Variants in KRTAP5-10 observed in about 807,000 individuals in gnomAD.
The protein encoded by KRTAP5-10 is keratin associated protein 5-10.
KRTAP5-10 carries 1 observed loss-of-function variant against 1.6 expected under a neutral mutation model. The ratio of observed to expected loss-of-function variants is 0.64; its 90% CI spans 0.23 to 3.04. KRTAP5-10 has a LOEUF of 3.04. KRTAP5-10 is among the 30% of genes most tolerant of loss of function. The pLI, the probability that KRTAP5-10 is intolerant of heterozygous loss-of-function variation, is 0.21. For missense variants in KRTAP5-10, 219 were observed against 255.2 expected, an observed-to-expected ratio of 0.86 and a Z score of 0.97; for synonymous variants, 76 against 102.0, an observed-to-expected ratio of 0.75 and a Z score of 1.54.
chr11:71,566,213 C>G lies in KRTAP5-10; in HGVS notation c.*17C>G, dbSNP rs762825227. ...AAGATCTGAGGCTCTGAACCCAGAC[C>G]TTCAGGTTTCACCTGTTTGGTGAAA... On this transcript the variant is annotated 3_prime_UTR_variant, in exon 1 of 1. Transcript: ENST00000398531. 1.5e-5 allele frequency: 24 copies of G among 1,613,930 alleles called. No individual in the cohort carries two copies. Among genetic ancestry groups the G allele is most frequent in the Non-Finnish European group, 2.0e-5 (24 of 1,179,928 alleles).
Position 71,566,185 on chromosome 11 carries a change from T to C in KRTAP5-10, c.598T>C (p.Cys200Arg), listed in dbSNP as rs191912419. 4.3e-6 allele frequency: 7 copies of C among 1,614,054 alleles called. No individual in the cohort carries two copies. Among genetic ancestry groups the C allele is most frequent in the Admixed American group, 1.7e-5 (1 of 60,004 alleles). The change falls in exon 1 of 1, where the codon TGT becomes CGT. Residue 200 changes from cysteine (C) to arginine (R), a missense_variant. Around this residue, in one of 3 missense-constraint regions of KRTAP5-10, gnomAD observed 124 missense variants for 127.2 expected, o/e 0.98. Coordinates refer to ENST00000398531, the MANE Select transcript of KRTAP5-10 (RefSeq NM_001012710.2). ...CTGCTGTGTCCCCGTGTGCTGCCAG[T>C]GTAAGATCTGAGGCTCTGAACCCAG... ...SSCCVPVCCQ[C>R]KI
rs1950191092 is a variant in KRTAP5-10, at chr11:71,566,255, C to T, written c.*59C>T. 1.2e-6 allele frequency: 2 copies of T among 1,606,744 alleles called. No individual in the cohort carries two copies. The highest frequency in any genetic ancestry group is 1.7e-6 in the Non-Finnish European group (2 of 1,175,246). ...TTGGTGAAAGCATTTGTTATGATTT[C>T]CCTGAATTAATTCATCCCACGCATC... On this transcript the variant is annotated 3_prime_UTR_variant, in exon 1 of 1. Coordinates refer to ENST00000398531, the MANE Select transcript of KRTAP5-10 (RefSeq NM_001012710.2).
rs1244511319 is a variant in KRTAP5-10 at position 71,566,427 on chromosome 11, C to T, written c.*231C>T. ...TGCAGGAGGTGGCCTTGCCTGGACG[C>T]GGGCACCCAGCCAACTGCCATGGTG... On this transcript the variant is annotated 3_prime_UTR_variant, in exon 1 of 1. Coordinates refer to ENST00000398531, the MANE Select transcript of KRTAP5-10 (RefSeq NM_001012710.2). The T allele has an allele frequency of 1.3e-5, 9 of 696,802 alleles. No homozygotes were observed. Among genetic ancestry groups the T allele is most frequent in the African/African-American group, 1.1e-4 (6 of 55,214 alleles). 43.2% of individuals were successfully genotyped at this position (696,802 alleles called of 1,614,324 possible).
chr11:71,565,666 G>A lies in KRTAP5-10; in HGVS notation c.79G>A (p.Gly27Ser), dbSNP rs537891804. 2.4e-5 allele frequency: 38 copies of A among 1,594,066 alleles called. No individual in the cohort carries two copies. Among genetic ancestry groups the A allele is most frequent in the Middle Eastern group, 4.2e-4 (2 of 4,770 alleles). The change falls in exon 1 of 1, where the codon GGC (glycine) becomes AGC (serine). Residue 27 changes from glycine to serine, a missense_variant. Gly to Ser is a moderately conservative substitution (Grantham distance 56, BLOSUM62 0). This residue lies in a region of KRTAP5-10 where 92 missense variants were observed against 108.8 expected (regional missense o/e 0.85). Transcript: ENST00000398531. ...CGSGCGGCGS[G>S]CGGYGSGCGG... The stretch of plus-strand genomic sequence containing the variant: ...CTCCGGCTGTGGGGGCTGTGGCTCC[G>A]GCTGTGGGGGCTATGGCTCTGGCTG...
In KRTAP5-10 at chr11:71,565,711, T is replaced by G. The variant is rs541978328; in HGVS notation, c.124T>G (p.Cys42Gly). ...GSGCGGCGSS[C>G]CVPVCCCKPV... ...TGGCTGTGGGGGCTGTGGCTCCAGC[T>G]GCTGTGTGCCCGTCTGCTGCTGCAA... Residue 42 changes from cysteine to glycine, a missense_variant, in exon 1 of 1, where the codon TGC becomes GGC. Physicochemically the swap from Cys to Gly is radical, Grantham distance 159. Coordinates refer to ENST00000398531, the MANE Select transcript of KRTAP5-10 (RefSeq NM_001012710.2). 3 of 1,609,056 alleles carry G rather than the reference T, an allele frequency of 1.9e-6. No individual in the cohort carries two copies. The highest frequency in any genetic ancestry group is 2.5e-6 in the Non-Finnish European group (3 of 1,178,860).
rs1228422103 is a variant in KRTAP5-10, at chr11:71,566,233, G to A, written c.*37G>A. ...CAGACCTTCAGGTTTCACCTGTTTG[G>A]TGAAAGCATTTGTTATGATTTCCCT... On this transcript the variant is annotated 3_prime_UTR_variant, in exon 1 of 1. Coordinates refer to ENST00000398531, the MANE Select transcript of KRTAP5-10 (RefSeq NM_001012710.2). 6.2e-7 allele frequency: 1 copy of A among 1,612,618 alleles called. No individual in the cohort carries two copies. The highest frequency in any genetic ancestry group is 8.5e-7 in the Non-Finnish European group (1 of 1,178,878).
rs1247333271 is a variant in KRTAP5-10, at chr11:71,566,312, A to G, written c.*116A>G. The G allele has an allele frequency of 2.0e-6, 3 of 1,488,868 alleles. No homozygotes were observed. The highest frequency in any genetic ancestry group is 2.8e-6 in the Non-Finnish European group (3 of 1,084,002). 92.2% of individuals were successfully genotyped at this position (1,488,868 alleles called of 1,614,324 possible). A position where few individuals can be genotyped will look rare whatever the true frequency, so the allele number is the denominator to read the frequency against. ...GAGGCACCTGCCCCTTCTCCAGCTC[A>G]TCATCCATGCACGCACCTCCTTCCA... On this transcript the variant is annotated 3_prime_UTR_variant, in exon 1 of 1. Transcript: ENST00000398531.
chr11:71,566,019 C>T lies in KRTAP5-10; in HGVS notation c.432C>T (p.Cys144=), dbSNP rs373408306. Reference sequence around the variant, plus strand: ...CTTGTGGCTGCTCCCAGTGCAATTGCTGTAAGCCCTGCTGCTGCTCCTCAG... The same window carrying T: ...CTTGTGGCTGCTCCCAGTGCAATTGTTGTAAGCCCTGCTGCTGCTCCTCAG... ...CGSCGCSQCN[C]CKPCCCSSGC... The change falls in exon 1 of 1, where the codon TGC becomes TGT. Residue 144 remains cysteine (C), a synonymous_variant. Coordinates refer to ENST00000398531, the MANE Select transcript of KRTAP5-10 (RefSeq NM_001012710.2). 50 of 1,613,758 alleles carry T rather than the reference C, an allele frequency of 3.1e-5. No homozygotes were observed. The African/African-American group carries it at 6.1e-4, about 20-fold the overall frequency.
In KRTAP5-10 at chr11:71,566,496, C is replaced by A; in HGVS notation, c.*300C>A. The stretch of plus-strand genomic sequence containing the variant: ...GGACCATCTTCTTCTTCTCCCTCGG[C>A]TGACTGAGATGCAAGGTCTGACCCC... On this transcript the variant is annotated 3_prime_UTR_variant, in exon 1 of 1. Transcript: ENST00000398531. 2.0e-6 allele frequency: 1 copy of A among 505,404 alleles called. No individual in the cohort carries two copies. Among genetic ancestry groups the A allele is most frequent in the Non-Finnish European group, 3.7e-6 (1 of 271,136 alleles). The allele number at this position is 505,404 out of a possible 1,614,324, so 31.3% of individuals were successfully genotyped here. A position where few individuals can be genotyped will look rare whatever the true frequency, so the allele number is the denominator to read the frequency against.
chr11:71,566,394 T>G lies in KRTAP5-10; in HGVS notation c.*198T>G. On this transcript the variant is annotated 3_prime_UTR_variant, in exon 1 of 1. Coordinates refer to ENST00000398531, the MANE Select transcript of KRTAP5-10 (RefSeq NM_001012710.2). ...GCCTCCTCACTCCGGAAATGCATGT[T>G]TCCTTGATGCAGGAGGTGGCCTTGC... The G allele has an allele frequency of 1.1e-6, 1 of 884,426 alleles. No homozygotes were observed. Among genetic ancestry groups the G allele is most frequent in the Non-Finnish European group, 1.7e-6 (1 of 580,210 alleles). The allele number at this position is 884,426 out of a possible 1,614,324, so 54.8% of individuals were successfully genotyped here.
rs1465195903 is a variant in KRTAP5-10 at position 71,566,292 on chromosome 11, A to T, written c.*96A>T. 1 of 1,556,882 alleles carries T rather than the reference A, an allele frequency of 6.4e-7. No individual in the cohort carries two copies. Among genetic ancestry groups the T allele is most frequent in the African/African-American group, 1.4e-5 (1 of 74,050 alleles). On this transcript the variant is annotated 3_prime_UTR_variant, in exon 1 of 1. Transcript: ENST00000398531. ...TCATCCCACGCATCCTCCCTGAGGC[A>T]CCTGCCCCTTCTCCAGCTCATCATC...
chr11:71,566,028 C>T lies in KRTAP5-10; in HGVS notation c.441C>T (p.Pro147=), dbSNP rs765810364. ...GCTCCCAGTGCAATTGCTGTAAGCC[C>T]TGCTGCTGCTCCTCAGGCTGTGGAT... is the stretch of plus-strand genomic sequence containing the variant. ...CGCSQCNCCK[P]CCCSSGCGSC... Residue 147 remains proline (P), a synonymous_variant, in exon 1 of 1, where the codon CCC becomes CCT. Coordinates refer to ENST00000398531, the MANE Select transcript of KRTAP5-10 (RefSeq NM_001012710.2). 8.1e-6 allele frequency: 13 copies of T among 1,613,898 alleles called. No individual in the cohort carries two copies. Among genetic ancestry groups the T allele is most frequent in the Non-Finnish European group, 9.3e-6 (11 of 1,179,906 alleles).
Position 71,566,485 on chromosome 11 carries a change from T to C in KRTAP5-10, c.*289T>C, listed in dbSNP as rs117660730. The C allele has an allele frequency of 0.015, 7,725 of 528,122 alleles. 384 individuals are homozygous for C. Among genetic ancestry groups the C allele is most frequent in the East Asian group, 0.14 (4,114 of 28,400 alleles). The allele number at this position is 528,122 out of a possible 1,614,324, so 32.7% of individuals were successfully genotyped here. On this transcript the variant is annotated 3_prime_UTR_variant, in exon 1 of 1. Coordinates refer to ENST00000398531, the MANE Select transcript of KRTAP5-10 (RefSeq NM_001012710.2). ...CACTTGGGTGTGGACCATCTTCTTC[T>C]TCTCCCTCGGCTGACTGAGATGCAA...
Position 71,566,087 on chromosome 11 carries a change from G to A in KRTAP5-10, c.500G>A (p.Cys167Tyr). 6.2e-7 allele frequency: 1 copy of A among 1,613,546 alleles called. No homozygotes were observed. Among genetic ancestry groups the A allele is most frequent in the Non-Finnish European group, 8.5e-7 (1 of 1,179,686 alleles). Reference protein sequence around the residue: ...CCQSSCCNPCCCQSSCCVPVC... With the variant: ...CCQSSCCNPCYCQSSCCVPVC... ...CAGTCCAGCTGCTGCAATCCCTGCT[G>A]CTGCCAGTCCAGCTGCTGTGTCCCC... Residue 167 changes from cysteine (C) to tyrosine (Y), a missense_variant, in exon 1 of 1, where the codon TGC (cysteine) becomes TAC (tyrosine). Cys to Tyr is a radical substitution (Grantham distance 194). Coordinates refer to ENST00000398531, the MANE Select transcript of KRTAP5-10 (RefSeq NM_001012710.2).
At position 71,566,278 on chromosome 11, in the gene KRTAP5-10, A is replaced by C; in HGVS notation, c.*82A>C. The stretch of plus-strand genomic sequence containing the variant: ...TTCCCTGAATTAATTCATCCCACGC[A>C]TCCTCCCTGAGGCACCTGCCCCTTC... On this transcript the variant is annotated 3_prime_UTR_variant, in exon 1 of 1. Transcript: ENST00000398531. 6.3e-7 allele frequency: 1 copy of C among 1,584,950 alleles called. No individual in the cohort carries two copies. Among genetic ancestry groups the C allele is most frequent in the Non-Finnish European group, 8.6e-7 (1 of 1,163,106 alleles).
In KRTAP5-10 at chr11:71,565,616, G is replaced by GTGGCTCCGGCTGTGGGGGCTA. The variant is rs1287914963; in HGVS notation, c.47_48insCTATGGCTCCGGCTGTGGGGG (p.Gly16_Cys17insTyrGlySerGlyCysGlyGly). On this transcript the variant is annotated inframe_insertion, in exon 1 of 1. Transcript: ENST00000398531. ...GGCTGCTGTGGCTGCTCCGGAGGCT[G>GTGGCTCCGGCTGTGGGGGCTA]TGGCTCCGGCTGTGGGGGTTGTGGC... The GTGGCTCCGGCTGTGGGGGCTA allele has an allele frequency of 6.4e-7, 1 of 1,553,614 alleles. No homozygotes were observed. Among genetic ancestry groups the GTGGCTCCGGCTGTGGGGGCTA allele is most frequent in the East Asian group, 2.3e-5 (1 of 42,908 alleles).
At position 71,566,010 on chromosome 11, in the gene KRTAP5-10, G is replaced by T; in HGVS notation, c.423G>T (p.Gln141His). 6.2e-7 allele frequency: 1 copy of T among 1,613,748 alleles called. No homozygotes were observed. The highest frequency in any genetic ancestry group is 8.5e-7 in the Non-Finnish European group (1 of 1,179,846). Residue 141 changes from glutamine to histidine, a missense_variant, in exon 1 of 1, where the codon CAG (glutamine) becomes CAT (histidine). This residue lies in a region of KRTAP5-10 where 124 missense variants were observed against 127.2 expected (regional missense o/e 0.98). Transcript: ENST00000398531. ...KGGCGSCGCS[Q>H]CNCCKPCCCS... Reference sequence around the variant, plus strand: ...GCTGTGGTTCTTGTGGCTGCTCCCAGTGCAATTGCTGTAAGCCCTGCTGCT... The same window carrying T: ...GCTGTGGTTCTTGTGGCTGCTCCCATTGCAATTGCTGTAAGCCCTGCTGCT...
chr11:71,565,937 G>C lies in KRTAP5-10; in HGVS notation c.350G>C (p.Cys117Ser). Residue 117 changes from cysteine to serine, a missense_variant, in exon 1 of 1, where the codon TGT (cysteine) becomes TCT (serine). Coordinates refer to ENST00000398531, the MANE Select transcript of KRTAP5-10 (RefSeq NM_001012710.2). ...GGCTCCAAGGGGGGCTGTGGCTCCT[G>C]TGGGGGCTCCAAAGGTGGCTGTGGT... Reference protein sequence around the residue: ...CGGSKGGCGSCGGSKGGCGSC... With the variant: ...CGGSKGGCGSSGGSKGGCGSC... 2.6e-6 allele frequency: 4 copies of C among 1,509,498 alleles called. No homozygotes were observed. The highest frequency in any genetic ancestry group is 3.6e-6 in the Non-Finnish European group (4 of 1,115,716). The allele number at this position is 1,509,498 out of a possible 1,614,324, so 93.5% of individuals were successfully genotyped here.
rs148378708 is a variant in KRTAP5-10 at position 71,566,462 on chromosome 11, C to G, written c.*266C>G. On this transcript the variant is annotated 3_prime_UTR_variant, in exon 1 of 1. Coordinates refer to ENST00000398531, the MANE Select transcript of KRTAP5-10 (RefSeq NM_001012710.2). Reference sequence around the variant, plus strand: ...GCCAACTGCCATGGTGTTCCCTGCACTTGGGTGTGGACCATCTTCTTCTTC... The same window carrying G: ...GCCAACTGCCATGGTGTTCCCTGCAGTTGGGTGTGGACCATCTTCTTCTTC... 5.0e-5 allele frequency: 30 copies of G among 597,502 alleles called. No homozygotes were observed. The highest frequency in any genetic ancestry group is 9.3e-4 in the Middle Eastern group (2 of 2,152). The allele number at this position is 597,502 out of a possible 1,614,324, so 37.0% of individuals were successfully genotyped here.
Sources: allele counts gnomAD v4.1 joint callset, GRCh38; gene constraint gnomAD v4.1.1; regional missense constraint gnomAD v4.1.1; transcripts MANE v1.5; gene names NCBI Gene and HGNC (gene_info 2026-07-23, HGNC 2026-07-21).